The following COL14A1 variants were observed in gnomAD, a reference collection of about 807,000 sequenced individuals.
The protein encoded by COL14A1 is collagen type XIV alpha 1 chain, also known as collagen alpha-1(XIV) chain.
In COL14A1, 136 loss-of-function variants were observed where a neutral mutation model predicts 230.3. The observed-to-expected ratio is 0.59, with a 90% CI of 0.51 to 0.68. The LOEUF is 0.68. Among genes scored for constraint, COL14A1 ranks in the 30% least tolerant of loss-of-function variants. COL14A1 has a pLI of 0.00. For missense variants in COL14A1, 1,976 were observed against 2,215.8 expected (o/e 0.89, Z 2.17); for synonymous variants, 792 against 784.1 (o/e 1.01, Z -0.17).
chr8:120,201,454 G>A (rs1345269321), intron 8 of COL14A1, among the ~76,000 whole-genome samples: 1 of 151,980 alleles, frequency 6.6e-6, no homozygotes, highest in Non-Finnish European at 1.5e-5. Context: ...TACAGAAATT[G>A]GCAAACACTA....
intron 22 of COL14A1, among the ~76,000 whole-genome samples, chr8:120,254,938 G>A (rs1438202474): frequency 6.6e-6 from 1 of 152,098 alleles, no homozygotes; most frequent in Non-Finnish European, 1.5e-5. Context: ...GTTACAGTGA[G>A]ATGAGATCAT....
intron 22 of COL14A1, among the ~76,000 whole-genome samples, chr8:120,252,258 G>A (rs983974714): frequency 6.6e-6 from 1 of 151,948 alleles, no homozygotes; most frequent in Non-Finnish European, 1.5e-5. Flanking sequence ...ATTCTCTAGT[G>A]GTGAATTCTG....
intron 47 of COL14A1, 86 bp from the exon 48 acceptor site, chr8:120,371,066 G>C: frequency 8.3e-7 from 1 of 1,202,100 alleles, no homozygotes; most frequent in Non-Finnish European, 1.2e-6. Flanking sequence ...GGATATCTCT[G>C]TGTCTCTAAG....
chr8:120,191,876 T>G (rs1261670296), intron 5 of COL14A1, among the ~76,000 whole-genome samples: 2 of 152,114 alleles, frequency 1.3e-5, no homozygotes, highest in Non-Finnish European at 2.9e-5. Flanking sequence ...ACCCCTGCCT[T>G]TTTTTGTTTT....
At chr8:120,207,904 C>A (rs2130751133) in intron 10 of COL14A1, among the ~76,000 whole-genome samples, 1 of 148,968 alleles carries the variant, frequency 6.7e-6, no homozygotes, top group Non-Finnish European at 1.5e-5. Flanking sequence ...ACTAATAAAT[C>A]TTTTAAATGT....
Position 120,372,796 on chromosome 8 carries a change from T to A in COL14A1, c.*1565T>A, listed in dbSNP as rs920719372. Reference sequence around the variant, plus strand: ...GACTTCATCTGAAGGATTCAAACAATCTACTTGTGTGCCTTTGGTGGGGTG... The same window carrying A: ...GACTTCATCTGAAGGATTCAAACAAACTACTTGTGTGCCTTTGGTGGGGTG... On this transcript the variant is annotated 3_prime_UTR_variant, in exon 48 of 48. Coordinates refer to ENST00000297848, the MANE Select transcript of COL14A1 (RefSeq NM_021110.4). Among the ~76,000 whole-genome samples, 3 of 147,216 alleles carry A rather than the reference T, an allele frequency of 2.0e-5. No homozygotes were observed. Among genetic ancestry groups the A allele is most frequent in the African/African-American group, 7.4e-5 (3 of 40,738 alleles).
intron 14 of COL14A1, among the ~76,000 whole-genome samples, chr8:120,219,202 G>A (rs1298489219): frequency 6.6e-6 from 1 of 151,860 alleles, no homozygotes; most frequent in Admixed American, 6.6e-5. Context: ...CTGCATCCTC[G>A]ACCTTGCAGG....
intron 14 of COL14A1, among the ~76,000 whole-genome samples, chr8:120,223,187 G>T (rs1817986803): frequency 6.6e-6 from 1 of 152,234 alleles, no homozygotes; most frequent in South Asian, 2.1e-4. Flanking sequence ...TGAAGGCCAA[G>T]AGGTATCTCA....
Position 120,367,176 on chromosome 8 carries a change from A to G in COL14A1, c.5083A>G (p.Thr1695Ala). The G allele has an allele frequency of 6.2e-7, 1 of 1,611,736 alleles. No homozygotes were observed. Among genetic ancestry groups the G allele is most frequent in the Non-Finnish European group, 8.5e-7 (1 of 1,178,636 alleles). Residue 1695 changes from threonine (T) to alanine (A), a missense_variant, in exon 46 of 48, where the codon ACT (threonine) becomes GCT (alanine). Physicochemically the swap from Thr to Ala is moderately conservative, Grantham distance 58 (BLOSUM62 0). Around this residue, in one of 3 missense-constraint regions of COL14A1, gnomAD observed 1,791 missense variants for 2,019.5 expected, o/e 0.89. Transcript: ENST00000297848. ...VPGTPGERGL[T>A]GIKGEKGNPG... ...TTAAAAATTATTTTAAACAGGTCTA[A>G]CTGGTATCAAAGGAGAAAAAGGAAA...
At chr8:120,355,074 GACAA>G (rs1563754342) in intron 45 of COL14A1, among the ~76,000 whole-genome samples, 1 of 152,134 alleles carries the variant, frequency 6.6e-6, no homozygotes, top group African/African-American at 2.4e-5. Flanking sequence ...ACTGAACCGT[GACAA>G]TCCAGTGCTT....
intron 42 of COL14A1, among the ~76,000 whole-genome samples, chr8:120,340,187 G>A (rs996008163): frequency 4.0e-5 from 6 of 151,782 alleles, no homozygotes; most frequent in Admixed American, 2.6e-4. Context: ...ATAGAGCCAG[G>A]GTGGGCTGCT....
At chr8:120,280,628 A>T in intron 29 of COL14A1, 83 bp from the exon 30 acceptor site, 1 of 1,240,156 alleles carries the variant, frequency 8.1e-7, no homozygotes, top group Non-Finnish European at 1.2e-6. Context: ...AGATTGTATT[A>T]GTTTCCTGTT....
chr8:120,324,248 G>A (rs1385389241), intron 40 of COL14A1, among the ~76,000 whole-genome samples: 2 of 151,804 alleles, frequency 1.3e-5, no homozygotes, highest in Non-Finnish European at 2.9e-5. Context: ...AAATGAATAA[G>A]TAAATGAAAT....
At position 120,341,330 on chromosome 8, in the gene COL14A1, C is replaced by A; in HGVS notation, c.4791C>A (p.Val1597=). 6.2e-7 allele frequency: 1 copy of A among 1,614,122 alleles called. No individual in the cohort carries two copies. Residue 1597 remains valine (V), a synonymous_variant, in exon 43 of 48, where the codon GTC becomes GTA. Coordinates refer to ENST00000297848, the MANE Select transcript of COL14A1 (RefSeq NM_021110.4). ...GPQGALGPPG[V]PGAKGERGER... ...ACAATTTTCCATTTATACAGGGTGT[C>A]CCTGGAGCAAAGGGGGAACGAGGAG...
intron 5 of COL14A1, among the ~76,000 whole-genome samples, chr8:120,194,989 T>G (rs1816979292): frequency 6.6e-6 from 1 of 152,196 alleles, no homozygotes. Flanking sequence ...TGGCTCTGTA[T>G]TTGGTGATTA....
chr8:120,237,841 T>C (rs770129912), intron 19 of COL14A1, among the ~76,000 whole-genome samples: 15 of 152,180 alleles, frequency 9.9e-5, no homozygotes, highest in Non-Finnish European at 1.9e-4. Flanking sequence ...GCTTCCTGTT[T>C]TTTAGTTTTC....
chr8:120,321,287 G>T (rs1347604350), intron 40 of COL14A1, among the ~76,000 whole-genome samples: 2 of 152,060 alleles, frequency 1.3e-5, no homozygotes, highest in Non-Finnish European at 2.9e-5. Context: ...GCACACCTGG[G>T]CACATCTGAG....
At chr8:120,209,969 G>A in intron 12 of COL14A1, 68 bp downstream of exon 12, 1 of 1,184,994 alleles carries the variant, frequency 8.4e-7, no homozygotes, top group Non-Finnish European at 1.1e-6. Flanking sequence ...AATTTTTATT[G>A]TAAAAATTTA....
chr8:120,329,084 C>T (rs562697855), intron 40 of COL14A1, among the ~76,000 whole-genome samples: 2 of 152,080 alleles, frequency 1.3e-5, no homozygotes, highest in East Asian at 3.9e-4. Flanking sequence ...TGCCCAGGGT[C>T]CATTTTTCTA....
Sources: gnomAD v4.1 joint callset for allele counts (sites outside exome capture counted in the v4.1 genomes callset) on GRCh38, gnomAD v4.1.1 for gene constraint, gnomAD v4.1.1 regional missense constraint, MANE v1.5 for transcripts, NCBI Gene and HGNC (gene_info 2026-07-23, HGNC 2026-07-21) for gene names.